Variants in CNTN4 observed in about 807,000 individuals in gnomAD.
CNTN4 encodes contactin-4.
Under a neutral mutation model 122.5 loss-of-function variants are expected in CNTN4, and 77 were observed. The observed-to-expected ratio is 0.63, with a 90% CI of 0.52 to 0.76. CNTN4 has a LOEUF of 0.76. Ranked by LOEUF, CNTN4 falls within the 30% of genes least tolerant of loss-of-function variation. CNTN4 has a pLI of 0.00. For synonymous variants in CNTN4, 512 were observed against 447.0 expected, an observed-to-expected ratio of 1.15 and a Z score of -1.83; for missense variants, 1,256 against 1,259.1, an observed-to-expected ratio of 1.00 and a Z score of 0.04.
At chr3:2,577,648 C>A (rs867338513) in intron 4 of CNTN4, among the ~76,000 whole-genome samples, 1 of 152,072 alleles carries the variant, frequency 6.6e-6, no homozygotes, top group African/African-American at 2.4e-5. Flanking sequence ...TAGAGCTCAG[C>A]CTGGAATTCT....
chr3:2,645,118 T>G (rs1323112740), intron 4 of CNTN4, among the ~76,000 whole-genome samples: 1 of 152,042 alleles, frequency 6.6e-6, no homozygotes, highest in Non-Finnish European at 1.5e-5. Context: ...CTCTTATTTT[T>G]CAGACATGAA....
At chr3:2,757,415 C>T (rs570875502) in intron 6 of CNTN4, among the ~76,000 whole-genome samples, 1 of 152,288 alleles carries the variant, frequency 6.6e-6, no homozygotes, top group Admixed American at 6.5e-5. Flanking sequence ...AGGTCATTTT[C>T]CCTGAATTCG....
intron 2 of CNTN4, among the ~76,000 whole-genome samples, chr3:2,177,469 G>T (rs6442719): frequency 6.6e-6 from 1 of 152,132 alleles, no homozygotes; most frequent in African/African-American, 2.4e-5. Context: ...TCTTGAGGCT[G>T]CTTCCTGAAT....
chr3:2,424,988 A>G (rs556324398), intron 3 of CNTN4, among the ~76,000 whole-genome samples: 35 of 152,342 alleles, frequency 2.3e-4, no homozygotes, highest in South Asian at 6.2e-4. Context: ...TCAGATGGGT[A>G]GATTGCAAAA....
chr3:2,951,786 T>C (rs940597614), intron 13 of CNTN4, among the ~76,000 whole-genome samples: 1 of 152,176 alleles, frequency 6.6e-6, no homozygotes, highest in South Asian at 2.1e-4. Flanking sequence ...TCAAAAATCA[T>C]AGTATGTGGG....
chr3:2,266,145 T>A (rs1264501011), intron 2 of CNTN4, among the ~76,000 whole-genome samples: 1 of 152,130 alleles, frequency 6.6e-6, no homozygotes, highest in Non-Finnish European at 1.5e-5. Context: ...TTGTTCTAGA[T>A]CTTACTGGGA....
intron 3 of CNTN4, 179 bp from the exon 4 acceptor site, chr3:2,571,237 C>T (rs2079407382): frequency 1.9e-6 from 1 of 517,190 alleles, no homozygotes; most frequent in East Asian, 3.5e-5. Context: ...TTATTATCTG[C>T]AAGAAAAAAA....
rs957721549 is a variant in CNTN4 at position 2,498,086 on chromosome 3, C to G, written c.-88-73330C>G. Among the ~76,000 whole-genome samples the G allele has an allele frequency of 7.2e-5, 11 of 151,986 alleles. 1 individual carries two copies. Among genetic ancestry groups the G allele is most frequent in the South Asian group, 4.2e-4 (2 of 4,810 alleles). ...TTTATATCATGATATAATATATGGC[C>G]AATTCATTGAATATTACTACTTAAT... On this transcript the variant is annotated intron_variant, in intron 3 of 24. Coordinates refer to ENST00000418658, the MANE Select transcript of CNTN4 (RefSeq NM_175607.3).
chr3:2,964,518 A>G lies in CNTN4; in HGVS notation c.1359-23827A>G, dbSNP rs115764456. On this transcript the variant is annotated intron_variant, in intron 13 of 24. Transcript: ENST00000418658. ...TTTCTCTGACTTTGGGAGCATATAA[A>G]TCACCTAAGAACCTTAATAAAATGC... Among the ~76,000 whole-genome samples the G allele has an allele frequency of 4.4e-3, 669 of 152,296 alleles. 5 individuals carry two copies. Among genetic ancestry groups the G allele is most frequent in the African/African-American group, 0.014 (600 of 41,582 alleles).
chr3:2,295,080 A>T (rs373402257), intron 2 of CNTN4, among the ~76,000 whole-genome samples: 25 of 151,510 alleles, frequency 1.7e-4, no homozygotes, highest in Middle Eastern at 3.4e-3. Context: ...TCTATCATTG[A>T]TGGACATTTG....
intron 2 of CNTN4, among the ~76,000 whole-genome samples, chr3:2,239,305 C>T (rs1281610348): frequency 6.6e-6 from 1 of 152,162 alleles, no homozygotes; most frequent in Non-Finnish European, 1.5e-5. Flanking sequence ...AAAAGGATTA[C>T]TGACCATTTA....
intron 3 of CNTN4, among the ~76,000 whole-genome samples, chr3:2,488,485 C>T (rs1369785970): frequency 6.6e-6 from 1 of 152,086 alleles, no homozygotes; most frequent in Admixed American, 6.6e-5. Flanking sequence ...GAGATGTCCT[C>T]CTCTCCAGGG....
intron 13 of CNTN4, among the ~76,000 whole-genome samples, chr3:2,933,470 G>A (rs1010618964): frequency 6.6e-6 from 1 of 152,134 alleles, no homozygotes; most frequent in Non-Finnish European, 1.5e-5. Flanking sequence ...TGTGATACAG[G>A]GTTGTGAAAT....
chr3:2,202,732 A>G (rs1174781960), intron 2 of CNTN4, among the ~76,000 whole-genome samples: 2 of 152,186 alleles, frequency 1.3e-5, no homozygotes, highest in Non-Finnish European at 2.9e-5. Flanking sequence ...TGAACTTTAA[A>G]TGTAACTTAC....
chr3:2,284,050 C>A (rs996237477), intron 2 of CNTN4, among the ~76,000 whole-genome samples: 1 of 151,552 alleles, frequency 6.6e-6, no homozygotes, highest in Non-Finnish European at 1.5e-5. Context: ...ACAGTAAGGG[C>A]ATGTTAGCAG....
rs1481337989 is a variant in CNTN4 at position 2,295,092 on chromosome 3, T to G, written c.-144-44086T>G. Among the ~76,000 whole-genome samples, 12 of 151,322 alleles carry G rather than the reference T, an allele frequency of 7.9e-5. No homozygotes were observed. The East Asian group carries it at 1.4e-3, about 17-fold the overall frequency. On this transcript the variant is annotated intron_variant, in intron 2 of 24. Transcript: ENST00000418658. ...CAGTCTATCATTGATGGACATTTGG[T>G]TTGGTTCCAAGTCTTTGCTATTGTG...
chr3:2,785,138 C>CATACAT (rs1553639246), intron 6 of CNTN4, among the ~76,000 whole-genome samples: 2 of 136,182 alleles, frequency 1.5e-5, no homozygotes, highest in African/African-American at 5.4e-5. Flanking sequence ...CACACACACA[C>CATACAT]ATATATATAG....
At chr3:2,410,316 G>A (rs2047184092) in intron 3 of CNTN4, among the ~76,000 whole-genome samples, 1 of 152,160 alleles carries the variant, frequency 6.6e-6, no homozygotes. Context: ...TTCTGTAAGA[G>A]TCATAGTTTT....
chr3:2,977,033 T>G (rs1693482376), intron 13 of CNTN4, among the ~76,000 whole-genome samples: 1 of 152,220 alleles, frequency 6.6e-6, no homozygotes, highest in Admixed American at 6.5e-5. Context: ...GCTCTTGCAG[T>G]CACAGGCTAA....
Sources: allele counts gnomAD v4.1 joint callset (sites outside exome capture counted in the v4.1 genomes callset), GRCh38; gene constraint gnomAD v4.1.1; transcripts MANE v1.5; gene names NCBI Gene and HGNC (gene_info 2026-07-23, HGNC 2026-07-21).